The following SEMA3E variants were observed in gnomAD, a reference collection of about 807,000 sequenced individuals.
SEMA3E encodes semaphorin-3E.
A neutral mutation model predicts 93.6 loss-of-function variants in SEMA3E; 49 were observed. The observed-to-expected ratio is 0.52, with a 90% confidence interval of 0.42 to 0.66. SEMA3E has a LOEUF of 0.66. SEMA3E is among the 30% of genes least tolerant of loss of function. The pLI, the probability that SEMA3E is intolerant of heterozygous loss-of-function variation, is 0.00. For missense variants in SEMA3E, 906 were observed against 964.8 expected (o/e 0.94, Z 0.81); for synonymous variants, 363 against 330.7 (o/e 1.10, Z -1.06).
chr7:83,614,162 T>C (rs1793319771), intron 1 of SEMA3E, among the ~76,000 whole-genome samples: 1 of 152,124 alleles, frequency 6.6e-6, no homozygotes, highest in Admixed American at 6.6e-5. Context: ...ACTGCATACT[T>C]TTTAATACCT....
At chr7:83,406,097 G>A (rs1180545694) in intron 7 of SEMA3E, 38 bp from the exon 8 acceptor site, 8 of 1,389,360 alleles carry the variant, frequency 5.8e-6, no homozygotes, top group African/African-American at 1.4e-5. Flanking sequence ...GTTACCTAAA[G>A]AATTTCGACC....
intron 2 of SEMA3E, among the ~76,000 whole-genome samples, chr7:83,474,095 TAAAAAAAAAA>T (rs11324407): frequency 5.5e-5 from 6 of 108,602 alleles, no homozygotes; most frequent in African/African-American, 1.0e-4. Context: ...CTATCTCAAT[TAAAAAAAAAA>T]AAAAAAAAAA....
At chr7:83,548,206 A>C (rs959589175) in intron 1 of SEMA3E, among the ~76,000 whole-genome samples, 1 of 152,122 alleles carries the variant, frequency 6.6e-6, no homozygotes, top group African/African-American at 2.4e-5. Flanking sequence ...AACTGAGATG[A>C]ACTTGATCAC....
intron 16 of SEMA3E, among the ~76,000 whole-genome samples, chr7:83,379,505 T>C (rs942991819): frequency 1.3e-5 from 2 of 151,996 alleles, no homozygotes; most frequent in African/African-American, 2.4e-5. Context: ...ATGCTAACTA[T>C]AATTACAACT....
chr7:83,378,004 T>C (rs1284210863), intron 16 of SEMA3E, among the ~76,000 whole-genome samples: 1 of 151,914 alleles, frequency 6.6e-6, no homozygotes, highest in East Asian at 1.9e-4. Context: ...ATTGCAGAAA[T>C]TGAGTCTTCA....
At chr7:83,598,960 A>AT (rs979205673) in intron 1 of SEMA3E, among the ~76,000 whole-genome samples, 5 of 152,186 alleles carry the variant, frequency 3.3e-5, no homozygotes, top group East Asian at 1.9e-4. Context: ...ATATTGTGGA[A>AT]TTTTTTTATA....
At chr7:83,461,125 T>C (rs1337551651) in intron 4 of SEMA3E, among the ~76,000 whole-genome samples, 1 of 152,168 alleles carries the variant, frequency 6.6e-6, no homozygotes, top group Non-Finnish European at 1.5e-5. Flanking sequence ...CAGATCTAAA[T>C]AATTCTTGTC....
intron 1 of SEMA3E, among the ~76,000 whole-genome samples, chr7:83,495,223 T>C (rs1790466264): frequency 6.6e-6 from 1 of 151,930 alleles, no homozygotes; most frequent in Non-Finnish European, 1.5e-5. Context: ...TATAATTATA[T>C]TGCATGTTGG....
At chr7:83,458,251 G>A (rs1789532544) in intron 4 of SEMA3E, among the ~76,000 whole-genome samples, 1 of 151,442 alleles carries the variant, frequency 6.6e-6, no homozygotes, top group Admixed American at 6.6e-5. Context: ...TGTATGAAGT[G>A]GAAGTACACC....
At chr7:83,480,492 TC>T (rs1790123057) in intron 2 of SEMA3E, among the ~76,000 whole-genome samples, 1 of 152,170 alleles carries the variant, frequency 6.6e-6, no homozygotes, top group Non-Finnish European at 1.5e-5. Context: ...GAATGTTTTT[TC>T]TATACTTTTT....
In SEMA3E at chr7:83,418,358, T is replaced by C; in HGVS notation, c.550+32A>G. ...ATATATGTTTTAAAATCCTTATGACTACCACCTGATGTCTGTGGCAATGAC... is the reference window on the plus strand; with the variant it reads ...ATATATGTTTTAAAATCCTTATGACCACCACCTGATGTCTGTGGCAATGAC... On this transcript the variant is annotated intron_variant, in intron 5 of 16. Coordinates refer to ENST00000643230, the MANE Select transcript of SEMA3E (RefSeq NM_012431.3). The C allele has an allele frequency of 4.2e-6, 6 of 1,443,714 alleles. No homozygotes were observed. In the South Asian group the frequency reaches 7.0e-5, roughly 17 times the overall value. 89.4% of individuals were successfully genotyped at this position (1,443,714 alleles called of 1,614,324 possible). A position where few individuals can be genotyped will look rare whatever the true frequency, so the allele number is the denominator to read the frequency against.
At chr7:83,623,692 T>G (rs1793610898) in intron 1 of SEMA3E, among the ~76,000 whole-genome samples, 1 of 152,152 alleles carries the variant, frequency 6.6e-6, no homozygotes, top group South Asian at 2.1e-4. Flanking sequence ...AGAACACAAT[T>G]ATTCCTTACT....
At chr7:83,448,351 A>G (rs1226317872) in intron 4 of SEMA3E, among the ~76,000 whole-genome samples, 2 of 152,208 alleles carry the variant, frequency 1.3e-5, no homozygotes, top group South Asian at 2.1e-4. Context: ...ATTCTTAAAA[A>G]CAAAAAAAAT....
chr7:83,375,385 C>T (rs1794806210), intron 16 of SEMA3E, among the ~76,000 whole-genome samples: 1 of 151,994 alleles, frequency 6.6e-6, no homozygotes, highest in Admixed American at 6.6e-5. Flanking sequence ...CCAACAACAG[C>T]ACCATAATAA....
intron 4 of SEMA3E, among the ~76,000 whole-genome samples, chr7:83,459,715 G>T (rs1246857976): frequency 6.6e-6 from 1 of 152,116 alleles, no homozygotes; most frequent in African/African-American, 2.4e-5. Flanking sequence ...CCTGTGACTT[G>T]CACGTATTCG....
chr7:83,370,865 C>G (rs1231550007), intron 16 of SEMA3E, among the ~76,000 whole-genome samples: 1 of 152,102 alleles, frequency 6.6e-6, no homozygotes, highest in African/African-American at 2.4e-5. Context: ...CTAATTTACT[C>G]TTCTTTAAAG....
In SEMA3E at chr7:83,645,220, C is replaced by T. The variant is rs193111383; in HGVS notation, c.115+3208G>A. On this transcript the variant is annotated intron_variant, in intron 1 of 16. Coordinates refer to ENST00000643230, the MANE Select transcript of SEMA3E (RefSeq NM_012431.3). ...CAGGACTTTTCTCCCTTCATTCTCT[C>T]TTTCCTTGGTTTCTGTCCTGAGGAC... Among the ~76,000 whole-genome samples the T allele has an allele frequency of 3.2e-4, 49 of 152,120 alleles. 1 individual carries two copies. The highest frequency in any genetic ancestry group is 5.9e-5 in the Non-Finnish European group (4 of 67,882).
At chr7:83,611,274 A>AATT (rs1793249567) in intron 1 of SEMA3E, among the ~76,000 whole-genome samples, 1 of 143,770 alleles carries the variant, frequency 7.0e-6, no homozygotes, top group Admixed American at 7.2e-5. Context: ...ATATAAATTT[A>AATT]TATATTATAT....
chr7:83,628,593 A>G (rs1003634197), intron 1 of SEMA3E, among the ~76,000 whole-genome samples: 11 of 151,448 alleles, frequency 7.3e-5, no homozygotes, highest in Non-Finnish European at 1.6e-4. Flanking sequence ...ATACTTGTGT[A>G]TGTTTCACAA....
Sources: allele counts gnomAD v4.1 joint callset (sites outside exome capture counted in the v4.1 genomes callset), GRCh38; gene constraint gnomAD v4.1.1; transcripts MANE v1.5; gene names NCBI Gene and HGNC (gene_info 2026-07-23, HGNC 2026-07-21).